The following MYH9 variants were observed in gnomAD, a reference collection of about 807,000 sequenced individuals.
MYH9 encodes myosin heavy chain 9, also known as myosin-9.
A neutral mutation model predicts 241.9 loss-of-function variants in MYH9; 29 were observed. The ratio of observed to expected loss-of-function variants is 0.12; its 90% confidence interval spans 0.09 to 0.16. MYH9 has a LOEUF of 0.16. Among genes scored for constraint, MYH9 ranks in the 10% least tolerant of loss-of-function variants. MYH9 has a pLI of 1.00. For synonymous variants in MYH9, 1,047 were observed against 1,062.6 expected (o/e 0.99, Z 0.29); for missense variants, 1,803 against 2,595.5 (o/e 0.69, Z 6.63).
Position 36,295,819 on chromosome 22 carries a change from C to T in MYH9, c.3273-102G>A. On this transcript the variant is annotated intron_variant, in intron 25 of 40. Coordinates refer to ENST00000216181, the MANE Select transcript of MYH9 (RefSeq NM_002473.6). The surrounding 1 kb of genome is among the most constrained non-coding windows in gnomAD (Gnocchi z 4.1). ...AGAGCTGCAGCAGCCAAAGCTGCCT[C>T]CTGTGGTCACAATCATGGCACTTAG... The T allele has an allele frequency of 9.3e-7, 1 of 1,079,484 alleles. No homozygotes were observed. Among genetic ancestry groups the T allele is most frequent in the South Asian group, 1.3e-5 (1 of 74,948 alleles). 66.9% of individuals were successfully genotyped at this position (1,079,484 alleles called of 1,614,324 possible). A position where few individuals can be genotyped will look rare whatever the true frequency, so the allele number is the denominator to read the frequency against.
At chr22:36,290,553 T>C (rs1290628857) in intron 31 of MYH9, among the ~76,000 whole-genome samples, 1 of 152,216 alleles carries the variant, frequency 6.6e-6, no homozygotes, top group Admixed American at 6.5e-5. Context: ...GATTGCAGCC[T>C]CTTCCCGGCC....
chr22:36,312,266 G>C lies in MYH9; in HGVS notation c.1555-44C>G, dbSNP rs377639599. On this transcript the variant is annotated intron_variant, in intron 13 of 40. Coordinates refer to ENST00000216181, the MANE Select transcript of MYH9 (RefSeq NM_002473.6). Reference sequence around the variant, plus strand: ...CAGCACAGGTGAGTGCACCCTGGGAGGGGCACCCCACCCTTCAAGAAGCCA... The same window carrying C: ...CAGCACAGGTGAGTGCACCCTGGGACGGGCACCCCACCCTTCAAGAAGCCA... 66 of 1,606,666 alleles carry C rather than the reference G, an allele frequency of 4.1e-5. No homozygotes were observed. The African/African-American group carries it at 7.6e-4, about 19-fold the overall frequency.
rs570343799 is a variant in MYH9 at position 36,341,289 on chromosome 22, T to G, written c.490+81A>C. ...GCCACTAGATCAATGTGGCACCAAA[T>G]GTGACTTAGCACCTGCAAAGGTGTC... is the stretch of plus-strand genomic sequence containing the variant. On this transcript the variant is annotated intron_variant, in intron 3 of 40. Coordinates refer to ENST00000216181, the MANE Select transcript of MYH9 (RefSeq NM_002473.6). The G allele has an allele frequency of 8.6e-5, 135 of 1,567,898 alleles. No individual in the cohort carries two copies. The South Asian group carries it at 1.5e-3, about 17-fold the overall frequency.
chr22:36,371,394 C>T (rs1271429382), intron 1 of MYH9, among the ~76,000 whole-genome samples: 2 of 152,284 alleles, frequency 1.3e-5, no homozygotes, highest in Middle Eastern at 3.4e-3. Flanking sequence ...ATCTATGAGC[C>T]AAGGAGAGAG....
At chr22:36,290,875 C>T (rs576580408) in intron 31 of MYH9, among the ~76,000 whole-genome samples, 45 of 151,654 alleles carry the variant, frequency 3.0e-4, no homozygotes, top group African/African-American at 8.7e-4. Context: ...TCTGCCCGGC[C>T]GCCCCGTCTG....
chr22:36,386,480 T>C (rs1291332841), intron 1 of MYH9, among the ~76,000 whole-genome samples: 1 of 152,226 alleles, frequency 6.6e-6, no homozygotes, highest in Non-Finnish European at 1.5e-5. Context: ...GTAGTTAGAA[T>C]GGCCACAGTG....
chr22:36,386,357 G>C (rs2018350840), intron 1 of MYH9, among the ~76,000 whole-genome samples: 1 of 152,000 alleles, frequency 6.6e-6, no homozygotes. Flanking sequence ...ACACATAGCA[G>C]CCTTGTATAT....
rs540650880 is a variant in MYH9 at position 36,351,793 on chromosome 22, T to C, written c.-19-2538A>G. Among the ~76,000 whole-genome samples the C allele has an allele frequency of 1.4e-4, 22 of 152,044 alleles. No homozygotes were observed. In the South Asian group the frequency reaches 4.4e-3, roughly 30 times the overall value. Reference sequence around the variant, plus strand: ...TCCATGAATAGCAGAGAGACTCACTTGAACCCCATGCCCCCAAACCCTAAG... The same window carrying C: ...TCCATGAATAGCAGAGAGACTCACTCGAACCCCATGCCCCCAAACCCTAAG... On this transcript the variant is annotated intron_variant, in intron 1 of 40. Transcript: ENST00000216181.
intron 31 of MYH9, among the ~76,000 whole-genome samples, chr22:36,291,683 T>TAAAAAAAAAAAAAAAAAAAAAAAAAC (rs66686435): frequency 1.2e-5 from 1 of 86,938 alleles, no homozygotes; most frequent in Non-Finnish European, 2.3e-5. Context: ...ATAAAAAAAT[T>TAAAAAAAAAAAAAAAAAAAAAAAAAC]AAAAAAAAAA....
At chr22:36,368,489 T>C (rs713797) in intron 1 of MYH9, among the ~76,000 whole-genome samples, 31,674 of 151,846 alleles carry the variant, frequency 0.21, 4,301 homozygotes, top group African/African-American at 0.4. Context: ...TGGCAAGGCG[T>C]CACATAGGAC....
chr22:36,342,099 C>A (rs1030236470), intron 2 of MYH9, among the ~76,000 whole-genome samples: 1 of 152,258 alleles, frequency 6.6e-6, no homozygotes, highest in Non-Finnish European at 1.5e-5. Context: ...GAGACATTCA[C>A]ATGCAAATCC....
chr22:36,323,227 G>A (rs1002663703), intron 5 of MYH9, among the ~76,000 whole-genome samples: 2 of 152,352 alleles, frequency 1.3e-5, no homozygotes, highest in African/African-American at 4.8e-5. Flanking sequence ...GGGCAGGACA[G>A]AGCAGCCCCA....
At position 36,298,282 on chromosome 22, in the gene MYH9, T is replaced by C. The variant is rs1161777637; in HGVS notation, c.3100+637A>G. On this transcript the variant is annotated intron_variant, in intron 24 of 40. Transcript: ENST00000216181. ...GTCCACTCCTCTCAAGGGGCAGGGC[T>C]GGGGGTCCTCAGACAGCCACGGACC... 2.6e-5 allele frequency among the ~76,000 whole-genome samples: 4 copies of C among 152,064 alleles called. No individual in the cohort carries two copies. In the East Asian group the frequency reaches 7.7e-4, roughly 29 times the overall value.
intron 1 of MYH9, among the ~76,000 whole-genome samples, chr22:36,374,819 G>A (rs1029347122): frequency 6.6e-6 from 1 of 152,164 alleles, no homozygotes; most frequent in Admixed American, 6.5e-5. Flanking sequence ...CCAGCCCCAG[G>A]TGACTCACAG....
intron 5 of MYH9, among the ~76,000 whole-genome samples, chr22:36,323,867 G>A (rs2017294378): frequency 6.6e-6 from 1 of 152,224 alleles, no homozygotes; most frequent in African/African-American, 2.4e-5. Context: ...AGAGGGCAGG[G>A]GTCAAGCCCA....
intron 2 of MYH9, among the ~76,000 whole-genome samples, chr22:36,345,909 G>C (rs544303389): frequency 6.6e-6 from 1 of 152,234 alleles, no homozygotes; most frequent in African/African-American, 2.4e-5. Flanking sequence ...AGCACTTTGG[G>C]AGGACGAGGT....
At chr22:36,334,656 C>A (rs1233803897) in intron 3 of MYH9, among the ~76,000 whole-genome samples, 1 of 152,188 alleles carries the variant, frequency 6.6e-6, no homozygotes, top group Admixed American at 6.5e-5. Flanking sequence ...ATTAAGCGAG[C>A]AGGAGTGTGG....
intron 1 of MYH9, among the ~76,000 whole-genome samples, chr22:36,375,928 C>T (rs1296355434): frequency 6.7e-6 from 1 of 148,296 alleles, no homozygotes; most frequent in South Asian, 2.1e-4. Context: ...AGCATGGTAC[C>T]TAGTACATAC....
chr22:36,302,265 A>C (rs2016890406), intron 20 of MYH9: 21 of 347,694 alleles, frequency 6.0e-5, no homozygotes, highest in South Asian at 5.6e-4. Flanking sequence ...ACACAAAAGC[A>C]GCCCGGACAA....
Sources: gnomAD v4.1 joint callset for allele counts (sites outside exome capture counted in the v4.1 genomes callset) on GRCh38, gnomAD v4.1.1 for gene constraint, Gnocchi (gnomAD v3.1) non-coding constraint, MANE v1.5 for transcripts, NCBI Gene and HGNC (gene_info 2026-07-23, HGNC 2026-07-21) for gene names.